ARHGEF10: variants seen among roughly 807,000 people sequenced by gnomAD.
The protein encoded by ARHGEF10 is Rho guanine nucleotide exchange factor 10, also known as Rho guanine nucleotide exchange factor (GEF) 10.
Under a neutral mutation model 147.4 loss-of-function variants are expected in ARHGEF10, and 140 were observed. The observed-to-expected ratio is 0.95, with a 90% CI of 0.83 to 1.09. The LOEUF is 1.09. Ranked by LOEUF, ARHGEF10 falls within the 50% of genes least tolerant of loss-of-function variation. The probability of loss-of-function intolerance (pLI) is 0.00; values close to 1 mark genes in which losing one functional copy is unlikely to be tolerated. For missense variants in ARHGEF10, 2,222 were observed against 1,752.7 expected, an observed-to-expected ratio of 1.27 and a Z score of -4.78; for synonymous variants, 902 against 695.8, an observed-to-expected ratio of 1.30 and a Z score of -4.67.
Position 1,957,366 on chromosome 8 carries a change from A to T in ARHGEF10, c.*103A>T. The T allele has an allele frequency of 6.7e-7, 1 of 1,494,094 alleles. No homozygotes were observed. Among genetic ancestry groups the T allele is most frequent in the Non-Finnish European group, 9.0e-7 (1 of 1,111,750 alleles). 92.6% of individuals were successfully genotyped at this position (1,494,094 alleles called of 1,614,324 possible). ...AGCTGTGTCTACACTGGTTGGGAAT[A>T]AATTAAAAACAGTATTTGGGGGAGA... On this transcript the variant is annotated 3_prime_UTR_variant, in exon 29 of 29. Transcript: ENST00000349830.
At chr8:1,939,729 A>G (rs1027877592) in intron 26 of ARHGEF10, among the ~76,000 whole-genome samples, 2 of 152,194 alleles carry the variant, frequency 1.3e-5, no homozygotes, top group Non-Finnish European at 2.9e-5. Flanking sequence ...CTGGTCCCCA[A>G]GGGGCTGCTG....
In ARHGEF10 at chr8:1,891,543, G is replaced by C. The variant is rs1013524905; in HGVS notation, c.1183-2026G>C. 6.6e-4 allele frequency among the ~76,000 whole-genome samples: 101 copies of C among 152,072 alleles called. 1 individual carries two copies. Among genetic ancestry groups the C allele is most frequent in the Non-Finnish European group, 2.4e-4 (16 of 68,024 alleles). ...TGAGGACATGAGGAAGGTCAGGCTG[G>C]GCCAGGCCCAGGCACCATCCGCAGC... On this transcript the variant is annotated intron_variant, in intron 11 of 28. Transcript: ENST00000349830.
At chr8:1,849,893 T>TGC (rs1554473696) in intron 2 of ARHGEF10, among the ~76,000 whole-genome samples, 11 of 77,050 alleles carry the variant, frequency 1.4e-4, no homozygotes, top group Non-Finnish European at 2.2e-4. Flanking sequence ...GGGGCGACCA[T>TGC]GTGGACACAG....
rs140764145 is a variant in ARHGEF10, at chr8:1,921,014, G to A, written c.2144-1950G>A. On this transcript the variant is annotated intron_variant, in intron 18 of 28. Coordinates refer to ENST00000349830, the MANE Select transcript of ARHGEF10 (RefSeq NM_014629.4). Reference sequence around the variant, plus strand: ...TTGATCAGGCTGGCCTCGAACTCTCGACCTCAGGTGATCCTCCTGCCTTGG... The same window carrying A: ...TTGATCAGGCTGGCCTCGAACTCTCAACCTCAGGTGATCCTCCTGCCTTGG... Among the ~76,000 whole-genome samples, 64 of 152,264 alleles carry A rather than the reference G, an allele frequency of 4.2e-4. No homozygotes were observed. The East Asian group carries it at 5.0e-3, about 12-fold the overall frequency.
At chr8:1,871,615 C>G (rs1807132935) in intron 7 of ARHGEF10, among the ~76,000 whole-genome samples, 1 of 152,020 alleles carries the variant, frequency 6.6e-6, no homozygotes. Context: ...GTCAGGAGTT[C>G]AAGACCAGCC....
In ARHGEF10 at chr8:1,882,658, G is replaced by C. The variant is rs775019690; in HGVS notation, c.984G>C (p.Ala328=). The C allele has an allele frequency of 4.5e-6, 7 of 1,554,854 alleles. No homozygotes were observed. Among genetic ancestry groups the C allele is most frequent in the Admixed American group, 3.9e-5 (2 of 51,438 alleles). The change falls in exon 10 of 29, where the codon GCG becomes GCC. Residue 328 remains alanine, a synonymous_variant. Coordinates refer to ENST00000349830, the MANE Select transcript of ARHGEF10 (RefSeq NM_014629.4). The part of the protein sequence containing the change: ...ELKMQKLVKA[A]KDGTKDGLER... ...AGATGCAGAAGCTCGTGAAGGCCGC[G>C]AAGGACGGCACCAAGGACGGGCTGG...
chr8:1,913,939 C>G (rs895255760), intron 18 of ARHGEF10, among the ~76,000 whole-genome samples: 1 of 152,184 alleles, frequency 6.6e-6, no homozygotes, highest in Admixed American at 6.5e-5. Flanking sequence ...AGGGTCCCTG[C>G]TGAGCATAGA....
intron 1 of ARHGEF10, among the ~76,000 whole-genome samples, chr8:1,830,550 G>A (rs563604254): frequency 1.3e-5 from 2 of 152,154 alleles, no homozygotes; most frequent in Non-Finnish European, 2.9e-5. Flanking sequence ...GACAAGCACC[G>A]GCAAATCTGG....
chr8:1,895,258 T>C (rs558885923), intron 13 of ARHGEF10, among the ~76,000 whole-genome samples: 2 of 152,342 alleles, frequency 1.3e-5, no homozygotes, highest in South Asian at 2.1e-4. Context: ...TTATTGTATA[T>C]TGGTTGGATT....
At chr8:1,864,690 C>T (rs912524131) in intron 5 of ARHGEF10, among the ~76,000 whole-genome samples, 1 of 152,244 alleles carries the variant, frequency 6.6e-6, no homozygotes, top group African/African-American at 2.4e-5. Context: ...TGGCCCTTGT[C>T]ACGGCCCTGC....
intron 22 of ARHGEF10, 67 bp from the exon 23 acceptor site, chr8:1,926,310 C>A: frequency 4.7e-6 from 6 of 1,280,660 alleles, no homozygotes; most frequent in Non-Finnish European, 6.8e-6. Context: ...CCATTTAAGA[C>A]GTTATGTAGT....
chr8:1,858,537 A>G (rs187297913), intron 3 of ARHGEF10, among the ~76,000 whole-genome samples: 42 of 152,330 alleles, frequency 2.8e-4, no homozygotes, highest in African/African-American at 8.7e-4. Context: ...CTATTTCCCA[A>G]TAAGAATGAC....
intron 2 of ARHGEF10, among the ~76,000 whole-genome samples, chr8:1,848,647 A>G (rs1046056213): frequency 6.6e-6 from 1 of 152,266 alleles, no homozygotes; most frequent in African/African-American, 2.4e-5. Flanking sequence ...TAATTAAAAA[A>G]ATTACAATGC....
intron 26 of ARHGEF10, among the ~76,000 whole-genome samples, chr8:1,940,612 C>T (rs959124355): frequency 4.6e-5 from 7 of 152,244 alleles, no homozygotes; most frequent in East Asian, 1.9e-4. Context: ...TTGATGAGGA[C>T]GGAACAACAC....
intron 4 of ARHGEF10, among the ~76,000 whole-genome samples, chr8:1,860,580 G>C (rs1033038906): frequency 6.6e-6 from 1 of 152,140 alleles, no homozygotes; most frequent in Non-Finnish European, 1.5e-5. Context: ...TGAGCCCCTA[G>C]TTCATCTTCA....
chr8:1,866,475 T>G (rs758487762), intron 5 of ARHGEF10, 51 bp from the exon 6 acceptor site: 11 of 1,559,506 alleles, frequency 7.1e-6, no homozygotes, highest in South Asian at 6.7e-5. Flanking sequence ...GGCATCCTAG[T>G]GACTTGGGCT....
intron 10 of ARHGEF10, 87 bp downstream of exon 10, chr8:1,882,836 G>A (rs867273131): frequency 4.2e-5 from 39 of 936,744 alleles, no homozygotes; most frequent in Admixed American, 6.0e-5. Flanking sequence ...GGTGGGGGGC[G>A]GCCGCGCAGG....
chr8:1,899,874 C>T (rs1018512678), intron 15 of ARHGEF10, among the ~76,000 whole-genome samples: 6 of 152,138 alleles, frequency 3.9e-5, no homozygotes, highest in African/African-American at 7.2e-5. Context: ...GGGGTCAGGC[C>T]GCCTGTTAGA....
intron 18 of ARHGEF10, among the ~76,000 whole-genome samples, chr8:1,919,086 A>G (rs1284103062): frequency 1.4e-5 from 2 of 142,256 alleles, no homozygotes; most frequent in African/African-American, 5.4e-5. Flanking sequence ...TCCAGGGGTG[A>G]TGGAGCTCTT....
Sources: allele counts gnomAD v4.1 joint callset (sites outside exome capture counted in the v4.1 genomes callset), GRCh38; gene constraint gnomAD v4.1.1; transcripts MANE v1.5; gene names NCBI Gene and HGNC (gene_info 2026-07-23, HGNC 2026-07-21).